IL7: variants seen among roughly 807,000 people sequenced by gnomAD.
IL7 encodes the protein interleukin-7.
In IL7, 3 loss-of-function variants were observed where a neutral mutation model predicts 21.6. That is an observed-to-expected ratio of 0.14 (90% CI 0.06 to 0.36). The LOEUF (loss-of-function observed/expected upper bound fraction) is 0.36, where lower values mean the gene tolerates loss of function less well. Among genes scored for constraint, IL7 ranks in the 10% least tolerant of loss-of-function variants. The pLI is 1.00. For synonymous variants in IL7, 62 were observed against 68.1 expected (o/e 0.91, Z 0.44); for missense variants, 175 against 200.2 (o/e 0.87, Z 0.76).
intron 2 of IL7, among the ~76,000 whole-genome samples, chr8:78,774,664 A>T (rs985746163): frequency 6.6e-6 from 1 of 152,132 alleles, no homozygotes; most frequent in African/African-American, 2.4e-5. Context: ...TGGTACATAA[A>T]ACAATGGCAG....
At chr8:78,704,162 A>G (rs2130573913) in intron 3 of IL7, among the ~76,000 whole-genome samples, 1 of 152,174 alleles carries the variant, frequency 6.6e-6, no homozygotes, top group Middle Eastern at 3.4e-3. Context: ...CGAGCGGATC[A>G]CCTGAGGTCA....
chr8:78,677,477 A>G (rs1585980212), intron 4 of IL7, among the ~76,000 whole-genome samples: 1 of 152,264 alleles, frequency 6.6e-6, no homozygotes, highest in East Asian at 1.9e-4. Context: ...GAAGGACACA[A>G]ATCAGACCAC....
intron 2 of IL7, among the ~76,000 whole-genome samples, chr8:78,749,735 C>G (rs1453109653): frequency 6.6e-6 from 1 of 152,104 alleles, no homozygotes; most frequent in Non-Finnish European, 1.5e-5. Flanking sequence ...CAGTAAGTAT[C>G]AGATGAGAAA....
At chr8:78,755,004 T>C (rs1812301638) in intron 2 of IL7, among the ~76,000 whole-genome samples, 1 of 152,150 alleles carries the variant, frequency 6.6e-6, no homozygotes, top group Admixed American at 6.6e-5. Context: ...AAGTTGATTC[T>C]TATATATGGT....
At chr8:78,762,195 G>T in intron 2 of IL7, 1 of 1,591,960 alleles carries the variant, frequency 6.3e-7, no homozygotes, top group Non-Finnish European at 8.6e-7. Flanking sequence ...GCATTATCTC[G>T]AAGAACTGTC....
At chr8:78,772,927 G>A (rs1813006175) in intron 2 of IL7, among the ~76,000 whole-genome samples, 1 of 152,086 alleles carries the variant, frequency 6.6e-6, no homozygotes, top group South Asian at 2.1e-4. Flanking sequence ...TCACAAACAA[G>A]TAAGGCTGAC....
intron 4 of IL7, among the ~76,000 whole-genome samples, chr8:78,677,716 T>C (rs866055112): frequency 6.6e-6 from 1 of 152,148 alleles, no homozygotes; most frequent in Non-Finnish European, 1.5e-5. Context: ...ACAGGGCAGA[T>C]AAATATTTTA....
chr8:78,734,558 C>CT (rs1276779216), intron 5 of IL7, among the ~76,000 whole-genome samples: 1 of 152,144 alleles, frequency 6.6e-6, no homozygotes, highest in Non-Finnish European at 1.5e-5. Flanking sequence ...TTACCCCTTC[C>CT]TAGACCAGGA....
intron 4 of IL7, chr8:78,676,107 T>TAA: frequency 3.1e-6 from 1 of 326,118 alleles, no homozygotes. Flanking sequence ...ACGAGACTCT[T>TAA]ACCAAAAACA....
At chr8:78,794,462 C>T (rs993419846) in intron 2 of IL7, among the ~76,000 whole-genome samples, 1 of 152,102 alleles carries the variant, frequency 6.6e-6, no homozygotes, top group African/African-American at 2.4e-5. Context: ...CTGCATTTGT[C>T]CCTAACAAGA....
At chr8:78,772,086 C>T (rs1411089828) in intron 2 of IL7, among the ~76,000 whole-genome samples, 3 of 152,256 alleles carry the variant, frequency 2.0e-5, no homozygotes, top group East Asian at 3.9e-4. Flanking sequence ...CATTACACTC[C>T]ACAATCCCAA....
At chr8:78,711,420 G>C (rs913738029) in intron 3 of IL7, among the ~76,000 whole-genome samples, 4 of 151,794 alleles carry the variant, frequency 2.6e-5, no homozygotes, top group African/African-American at 9.7e-5. Context: ...GTGATTTTTA[G>C]AATTGTCATC....
chr8:78,697,538 T>C (rs1810464500), intron 3 of IL7: 1 of 1,544,566 alleles, frequency 6.5e-7, no homozygotes, highest in South Asian at 1.2e-5. Context: ...CTTGATTTGT[T>C]TTTGAAACCA....
At position 78,678,906 on chromosome 8, in the gene IL7, G is replaced by A. The variant is rs368475715; in HGVS notation, n.274-2802C>T. On this transcript the variant is annotated intron_variant and non_coding_transcript_variant, in intron 4 of 4. Transcript: ENST00000523959. ...TTCTAAACTTCAAAGAAGAGACCAAGGTGCTGTTTCAAACTCCATCAATTA... is the reference window on the plus strand; with the variant it reads ...TTCTAAACTTCAAAGAAGAGACCAAAGTGCTGTTTCAAACTCCATCAATTA... 69 of 271,298 alleles carry A rather than the reference G, an allele frequency of 2.5e-4. 3 individuals are homozygous for A. The highest frequency in any genetic ancestry group is 1.0e-3 in the East Asian group (16 of 15,414). 16.8% of individuals were successfully genotyped at this position (271,298 alleles called of 1,614,324 possible). A position where few individuals can be genotyped will look rare whatever the true frequency, so the allele number is the denominator to read the frequency against.
intron 2 of IL7, among the ~76,000 whole-genome samples, chr8:78,776,993 C>A (rs1813156308): frequency 6.6e-6 from 1 of 152,016 alleles, no homozygotes; most frequent in Non-Finnish European, 1.5e-5. Flanking sequence ...CATTCCTACT[C>A]TCACATTCCT....
chr8:78,795,355 A>G (rs1260011586), intron 2 of IL7, among the ~76,000 whole-genome samples: 2 of 152,056 alleles, frequency 1.3e-5, no homozygotes, highest in African/African-American at 4.8e-5. Context: ...ATCACCTTCT[A>G]TGTATAGAAA....
At chr8:78,703,132 G>A (rs1343247452) in intron 3 of IL7, among the ~76,000 whole-genome samples, 1 of 152,102 alleles carries the variant, frequency 6.6e-6, no homozygotes, top group African/African-American at 2.4e-5. Flanking sequence ...CCTAACCTCA[G>A]GTCATCTGCC....
At chr8:78,683,531 C>T (rs1399732327) in intron 4 of IL7, among the ~76,000 whole-genome samples, 3 of 152,176 alleles carry the variant, frequency 2.0e-5, no homozygotes, top group African/African-American at 7.2e-5. Context: ...CACCAAATCC[C>T]TACGCTGCAC....
chr8:78,764,675 CA>C (rs1333625615), intron 2 of IL7, among the ~76,000 whole-genome samples: 1 of 151,152 alleles, frequency 6.6e-6, no homozygotes, highest in Non-Finnish European at 1.5e-5. Flanking sequence ...TAAATAATAT[CA>C]AAAAAAGAAA....
Sources: gnomAD v4.1 joint callset for allele counts (sites outside exome capture counted in the v4.1 genomes callset) on GRCh38, gnomAD v4.1.1 for gene constraint, MANE v1.5 for transcripts, NCBI Gene and HGNC (gene_info 2026-07-23, HGNC 2026-07-21) for gene names.